The following DLG1 variants were observed in gnomAD, a reference collection of about 807,000 sequenced individuals.
DLG1 encodes discs large MAGUK scaffold protein 1.
DLG1 carries 42 observed loss-of-function variants against 123.4 expected under a neutral mutation model. The observed-to-expected ratio is 0.34, with a 90% CI of 0.27 to 0.44. DLG1 has a LOEUF of 0.44. DLG1 is among the 20% of genes least tolerant of loss of function. The pLI, the probability that DLG1 is intolerant of heterozygous loss-of-function variation, is 1.00. For missense variants in DLG1, 942 were observed against 1,082.6 expected, an observed-to-expected ratio of 0.87 and a Z score of 1.82; for synonymous variants, 317 against 356.2, an observed-to-expected ratio of 0.89 and a Z score of 1.24.
At chr3:197,216,391 A>G (rs1734141107) in intron 4 of DLG1, among the ~76,000 whole-genome samples, 1 of 152,198 alleles carries the variant, frequency 6.6e-6, no homozygotes, top group African/African-American at 2.4e-5. Context: ...ATATTCACAG[A>G]TATGATTTAT....
At chr3:197,248,663 A>C (rs1752934444) in intron 4 of DLG1, among the ~76,000 whole-genome samples, 1 of 152,204 alleles carries the variant, frequency 6.6e-6, no homozygotes, top group Non-Finnish European at 1.5e-5. Flanking sequence ...CTGGGGTAGG[A>C]CCACACAATC....
chr3:197,198,122 TCAAAACAAAA>T (rs527404506), intron 4 of DLG1, among the ~76,000 whole-genome samples: 1 of 132,532 alleles, frequency 7.5e-6, no homozygotes, highest in African/African-American at 2.7e-5. Context: ...ATTGGACTCA[TCAAAACAAAA>T]CAAAACAAAA....
At chr3:197,288,743 A>AATACATACATACATACATACATACATAC (rs57200229) in intron 3 of DLG1, among the ~76,000 whole-genome samples, 1 of 72,078 alleles carries the variant, frequency 1.4e-5, no homozygotes, top group African/African-American at 7.3e-5. Flanking sequence ...AAAAAAAAAA[A>AATACATACATACATACATACATACATAC]ATACATACAT....
At chr3:197,218,736 G>T (rs1735325603) in intron 4 of DLG1, among the ~76,000 whole-genome samples, 1 of 152,076 alleles carries the variant, frequency 6.6e-6, no homozygotes, top group Non-Finnish European at 1.5e-5. Flanking sequence ...TTATGACTAG[G>T]TTCCTAAAGC....
intron 4 of DLG1, among the ~76,000 whole-genome samples, chr3:197,273,849 C>CAAAAAAAAAAAAAA (rs58880007): frequency 1.8e-4 from 9 of 48,690 alleles, no homozygotes; most frequent in African/African-American, 2.4e-4. Context: ...TAATAGCTAC[C>CAAAAAAAAAAAAAA]AAAAAAAAAA....
In DLG1 at chr3:197,097,542, C is replaced by T. The variant is rs148295414; in HGVS notation, c.1547-6516G>A. On this transcript the variant is annotated intron_variant, in intron 14 of 24. Transcript: ENST00000667157. ...TTTGAGGGAGAGGAGGAGTTTTGGG[C>T]GATTCAGTTTTAAATCTACTATCTT... 2.4e-3 allele frequency among the ~76,000 whole-genome samples: 362 copies of T among 149,548 alleles called. 7 individuals are homozygous for T. In the East Asian group the frequency reaches 0.036, roughly 15 times the overall value.
chr3:197,263,417 C>T (rs1367090466), intron 4 of DLG1, among the ~76,000 whole-genome samples: 3 of 152,104 alleles, frequency 2.0e-5, no homozygotes, highest in South Asian at 4.1e-4. Flanking sequence ...TCCTAAGAGT[C>T]CTTGAATTTA....
chr3:197,250,166 C>T (rs1359939530), intron 4 of DLG1, among the ~76,000 whole-genome samples: 1 of 151,926 alleles, frequency 6.6e-6, no homozygotes, highest in Non-Finnish European at 1.5e-5. Context: ...AAAGACTTCA[C>T]CAAAAAAAAC....
chr3:197,268,357 G>T (rs1045430629), intron 4 of DLG1, among the ~76,000 whole-genome samples: 1 of 152,094 alleles, frequency 6.6e-6, no homozygotes. Flanking sequence ...AAGTTTTGCT[G>T]AGTTTTCTCC....
intron 4 of DLG1, among the ~76,000 whole-genome samples, chr3:197,242,905 C>T (rs1749686245): frequency 6.6e-6 from 1 of 152,098 alleles, no homozygotes; most frequent in Non-Finnish European, 1.5e-5. Flanking sequence ...GTTCAAGATC[C>T]TGCAGTCTGG....
chr3:197,072,138 T>C (rs1329479337), intron 18 of DLG1, among the ~76,000 whole-genome samples: 1 of 152,228 alleles, frequency 6.6e-6, no homozygotes, highest in Non-Finnish European at 1.5e-5. Flanking sequence ...TTACATAGTA[T>C]GGATAAATCA....
intron 23 of DLG1, among the ~76,000 whole-genome samples, chr3:197,053,841 C>G (rs935161495): frequency 2.7e-5 from 4 of 150,816 alleles, no homozygotes; most frequent in African/African-American, 9.8e-5. Flanking sequence ...ACCTGGAATC[C>G]CAGCACTTTG....
At chr3:197,279,516 C>A (rs142889394) in intron 4 of DLG1, among the ~76,000 whole-genome samples, 2 of 152,150 alleles carry the variant, frequency 1.3e-5, no homozygotes, top group African/African-American at 4.8e-5. Context: ...TTTCCATGTG[C>A]CATGCGCTAA....
intron 15 of DLG1, among the ~76,000 whole-genome samples, chr3:197,086,690 C>T (rs185154502): frequency 7.8e-4 from 119 of 152,110 alleles, no homozygotes; most frequent in Non-Finnish European, 1.4e-3. Context: ...CAAGTCTTTT[C>T]GTGGGGCTAA....
rs138471066 is a variant in DLG1 at position 197,200,583 on chromosome 3, A to C, written c.319-5994T>G. Among the ~76,000 whole-genome samples, 113 of 152,346 alleles carry C rather than the reference A, an allele frequency of 7.4e-4. 1 individual carries two copies. In the East Asian group the frequency reaches 0.016, roughly 22 times the overall value. On this transcript the variant is annotated intron_variant, in intron 4 of 24. Coordinates refer to ENST00000667157, the MANE Select transcript of DLG1 (RefSeq NM_001366207.1). ...ATAGATGTAAAAACCTAAAGAAAAT[A>C]CTAGCAAATCGAACCCGACAGCACC...
chr3:197,136,804 T>C, intron 9 of DLG1, 126 bp from the exon 10 acceptor site: 2 of 791,082 alleles, frequency 2.5e-6, no homozygotes, highest in Non-Finnish European at 3.8e-6. Flanking sequence ...AAGAATCTAT[T>C]TAGTTATCTA....
chr3:197,243,880 G>A (rs1278179861), intron 4 of DLG1, among the ~76,000 whole-genome samples: 3 of 152,170 alleles, frequency 2.0e-5, no homozygotes, highest in African/African-American at 4.8e-5. Flanking sequence ...ATAAACATGA[G>A]AGTCAAAGGA....
intron 4 of DLG1, among the ~76,000 whole-genome samples, chr3:197,207,203 TCTTTACGCAAAGTTACACAAA>T (rs1222248519): frequency 1.3e-5 from 2 of 152,244 alleles, no homozygotes; most frequent in Non-Finnish European, 2.9e-5. Context: ...CAAAGTCTGC[TCTTTACGCAAAGTTACACAAA>T]CTTTACGCAA....
chr3:197,191,165 A>G (rs961465537), intron 5 of DLG1, among the ~76,000 whole-genome samples: 3 of 152,210 alleles, frequency 2.0e-5, no homozygotes, highest in Non-Finnish European at 4.4e-5. Context: ...GGTGAAATCC[A>G]TAGCATCCCA....
Sources: gnomAD v4.1 joint callset for allele counts (sites outside exome capture counted in the v4.1 genomes callset) on GRCh38, gnomAD v4.1.1 for gene constraint, MANE v1.5 for transcripts, NCBI Gene and HGNC (gene_info 2026-07-23, HGNC 2026-07-21) for gene names.